Variants in TMEM132C observed in about 807,000 individuals in gnomAD.
TMEM132C encodes the protein transmembrane protein 132C, also known as protein phosphatase 1, regulatory subunit 152.
Under a neutral mutation model 61.4 loss-of-function variants are expected in TMEM132C, and 29 were observed. The observed-to-expected ratio is 0.47, with a 90% CI of 0.35 to 0.64. TMEM132C has a LOEUF of 0.64. Among genes scored for constraint, TMEM132C ranks in the 30% least tolerant of loss-of-function variants. The probability of loss-of-function intolerance (pLI) is 0.00; values close to 1 mark genes in which losing one functional copy is unlikely to be tolerated. For missense variants in TMEM132C, 1,408 were observed against 1,476.9 expected (o/e 0.95, Z 0.76); for synonymous variants, 656 against 633.1 (o/e 1.04, Z -0.54).
chr12:128,280,211 C>T (rs1870843812), intron 1 of TMEM132C, among the ~76,000 whole-genome samples: 1 of 152,230 alleles, frequency 6.6e-6, no homozygotes, highest in African/African-American at 2.4e-5. Context: ...TTCTCTCCGT[C>T]AGTCGCTCCA....
chr12:128,596,802 AC>A (rs1875971324), intron 3 of TMEM132C, among the ~76,000 whole-genome samples: 1 of 148,758 alleles, frequency 6.7e-6, no homozygotes, highest in Non-Finnish European at 1.5e-5. Flanking sequence ...GCAGACTGAA[AC>A]CCCACCACGC....
At chr12:128,531,735 G>C (rs1324697169) in intron 2 of TMEM132C, among the ~76,000 whole-genome samples, 1 of 152,138 alleles carries the variant, frequency 6.6e-6, no homozygotes, top group African/African-American at 2.4e-5. Context: ...CTTTTGACAG[G>C]GGCAGAAAGT....
At chr12:128,374,828 G>C (rs1438010556) in intron 1 of TMEM132C, among the ~76,000 whole-genome samples, 1 of 150,662 alleles carries the variant, frequency 6.6e-6, no homozygotes, top group Non-Finnish European at 1.5e-5. Flanking sequence ...GCTGAGGAAG[G>C]AGAATCGGTT....
chr12:128,470,212 G>T (rs1870901246), intron 2 of TMEM132C, among the ~76,000 whole-genome samples: 1 of 152,154 alleles, frequency 6.6e-6, no homozygotes, highest in Admixed American at 6.5e-5. Context: ...AACTGGAAGG[G>T]TCAACTGCTG....
chr12:128,678,531 G>A (rs1954611193), intron 5 of TMEM132C, among the ~76,000 whole-genome samples: 1 of 152,212 alleles, frequency 6.6e-6, no homozygotes. Flanking sequence ...TACCCCAGAA[G>A]ATTGTTTTGA....
chr12:128,699,171 C>T (rs934108620), intron 8 of TMEM132C, among the ~76,000 whole-genome samples: 1 of 152,138 alleles, frequency 6.6e-6, no homozygotes, highest in Non-Finnish European at 1.5e-5. Context: ...GTAGTGGGGT[C>T]TATGAAGAGC....
chr12:128,493,376 A>G (rs749036146), intron 2 of TMEM132C, among the ~76,000 whole-genome samples: 15 of 152,188 alleles, frequency 9.9e-5, no homozygotes, highest in East Asian at 1.9e-4. Flanking sequence ...CTTTTTTCCA[A>G]TTCTGTGAAG....
intron 3 of TMEM132C, among the ~76,000 whole-genome samples, chr12:128,553,335 C>G (rs545795871): frequency 2.0e-5 from 3 of 152,120 alleles, no homozygotes; most frequent in Admixed American, 1.3e-4. Flanking sequence ...TTTTTTAATG[C>G]CTTTATTTTA....
At chr12:128,355,265 G>A (rs748123305) in intron 1 of TMEM132C, among the ~76,000 whole-genome samples, 1 of 152,118 alleles carries the variant, frequency 6.6e-6, no homozygotes, top group Non-Finnish European at 1.5e-5. Flanking sequence ...GACCATGGAG[G>A]GATCTTCAGG....
At chr12:128,274,638 C>G (rs933626777) in intron 1 of TMEM132C, among the ~76,000 whole-genome samples, 1 of 152,214 alleles carries the variant, frequency 6.6e-6, no homozygotes, top group Non-Finnish European at 1.5e-5. Context: ...AATTGTCTGG[C>G]TTCTTTAGGG....
At chr12:128,334,813 G>C (rs998998444) in intron 1 of TMEM132C, among the ~76,000 whole-genome samples, 2 of 152,100 alleles carry the variant, frequency 1.3e-5, no homozygotes, top group Non-Finnish European at 2.9e-5. Flanking sequence ...AGCCAGGAGG[G>C]TCTCGATCTC....
intron 3 of TMEM132C, among the ~76,000 whole-genome samples, chr12:128,550,333 C>G (rs1434574449): frequency 1.3e-5 from 2 of 150,942 alleles, no homozygotes; most frequent in Non-Finnish European, 2.9e-5. Context: ...GACAGGGTCT[C>G]GCTCTGTCAC....
At chr12:128,472,438 G>C (rs978618019) in intron 2 of TMEM132C, among the ~76,000 whole-genome samples, 1 of 152,218 alleles carries the variant, frequency 6.6e-6, no homozygotes, top group Non-Finnish European at 1.5e-5. Flanking sequence ...ATTTATGGCA[G>C]AACTCCAGGG....
intron 1 of TMEM132C, among the ~76,000 whole-genome samples, chr12:128,274,087 C>G (rs1056305947): frequency 2.6e-5 from 4 of 152,116 alleles, no homozygotes; most frequent in African/African-American, 9.7e-5. Context: ...AAGGAGAAAG[C>G]AAATGTGAAA....
At chr12:128,557,647 G>C (rs1241917738) in intron 3 of TMEM132C, among the ~76,000 whole-genome samples, 1 of 152,152 alleles carries the variant, frequency 6.6e-6, no homozygotes, top group Non-Finnish European at 1.5e-5. Flanking sequence ...GTGTGTCTCA[G>C]AGAACATATT....
At chr12:128,340,908 CTCTCTCTT>C (rs1229160967) in intron 1 of TMEM132C, among the ~76,000 whole-genome samples, 12 of 104,136 alleles carry the variant, frequency 1.2e-4, no homozygotes, top group Admixed American at 4.6e-4. Context: ...CTCTCTTTCT[CTCTCTCTT>C]TCTCTCTCTC....
chr12:128,360,184 A>G (rs1472247738), intron 1 of TMEM132C, among the ~76,000 whole-genome samples: 1 of 152,072 alleles, frequency 6.6e-6, no homozygotes, highest in Non-Finnish European at 1.5e-5. Context: ...TCATAGTCTA[A>G]TAGAAGAATC....
rs116122749 is a variant in TMEM132C, at chr12:128,503,663, C to T, written c.975-40294C>T. Among the ~76,000 whole-genome samples the T allele has an allele frequency of 2.3e-3, 348 of 152,326 alleles. 2 individuals are homozygous for T. The highest frequency in any genetic ancestry group is 8.1e-3 in the African/African-American group (335 of 41,566). ...TGCTGTCTGTATCCTTTCCTTTAAT[C>T]CCATCATCAATGTCATGAGGAAGGT... On this transcript the variant is annotated intron_variant, in intron 2 of 8. Coordinates refer to ENST00000435159, the MANE Select transcript of TMEM132C (RefSeq NM_001136103.3).
At chr12:128,496,434 A>T (rs906691013) in intron 2 of TMEM132C, among the ~76,000 whole-genome samples, 1 of 152,120 alleles carries the variant, frequency 6.6e-6, no homozygotes, top group African/African-American at 2.4e-5. Flanking sequence ...GTGTTTTCCA[A>T]CTTGGTTCCA....
Sources: allele counts gnomAD v4.1 joint callset (sites outside exome capture counted in the v4.1 genomes callset), GRCh38; gene constraint gnomAD v4.1.1; transcripts MANE v1.5; gene names NCBI Gene and HGNC (gene_info 2026-07-23, HGNC 2026-07-21).